PON1: variants seen among roughly 807,000 people sequenced by gnomAD.
PON1 encodes the protein paraoxonase 1, also known as serum paraoxonase/arylesterase 1.
In PON1, 37 loss-of-function variants were observed where a neutral mutation model predicts 39.2. The observed-to-expected ratio is 0.94, with a 90% CI of 0.73 to 1.24. PON1 has a LOEUF of 1.24. Among genes scored for constraint, PON1 ranks in the 50% most tolerant of loss-of-function variants. The pLI is 0.00. For synonymous variants in PON1, 148 were observed against 152.2 expected (o/e 0.97, Z 0.21); for missense variants, 397 against 413.5 (o/e 0.96, Z 0.35).
At chr7:95,315,263 GT>G in intron 4 of PON1, 58 bp downstream of exon 4, 2 of 1,407,396 alleles carry the variant, frequency 1.4e-6, no homozygotes, top group Admixed American at 1.7e-5. Flanking sequence ...TTATTGGCAT[GT>G]TTTTCTGTTT....
At position 95,324,355 on chromosome 7, in the gene PON1, G is replaced by C; in HGVS notation, c.74+47C>G. On this transcript the variant is annotated intron_variant, in intron 1 of 8. Coordinates refer to ENST00000222381, the MANE Select transcript of PON1 (RefSeq NM_000446.7). ...TTCTGGGGGCTCGTGGAGCTGGCAG[G>C]GAGTGAGGAGGACGAAGGCTGCAGC... The C allele has an allele frequency of 3.2e-6, 5 of 1,574,104 alleles. No individual in the cohort carries two copies. The South Asian group carries it at 5.6e-5, about 17-fold the overall frequency.
intron 7 of PON1, among the ~76,000 whole-genome samples, chr7:95,305,334 C>A (rs1216814863): frequency 6.6e-6 from 1 of 152,108 alleles, no homozygotes; most frequent in Non-Finnish European, 1.5e-5. Flanking sequence ...TGTTTTCACC[C>A]ATTTTGACTC....
chr7:95,303,532 GAGA>G (rs1476638838), intron 7 of PON1, among the ~76,000 whole-genome samples: 5 of 152,142 alleles, frequency 3.3e-5, no homozygotes, highest in African/African-American at 9.7e-5. Flanking sequence ...GTGGGAGTGG[GAGA>G]AGGACACAGA....
intron 8 of PON1, among the ~76,000 whole-genome samples, chr7:95,299,992 AT>A (rs755568928): frequency 7.8e-4 from 119 of 152,192 alleles, no homozygotes; most frequent in Non-Finnish European, 1.2e-3. Context: ...AAGAAAAAAA[AT>A]GTGGCCCTCA....
At chr7:95,315,263 G>T in intron 4 of PON1, 59 bp downstream of exon 4, 1 of 1,407,392 alleles carries the variant, frequency 7.1e-7, no homozygotes, top group Non-Finnish European at 1.0e-6. Context: ...TTATTGGCAT[G>T]TTTTTCTGTT....
rs563880693 is a variant in PON1 at position 95,315,610 on chromosome 7, C to T, written c.202-120G>A. ...CCAAACCACAGGGCTAGCCAGATGGCCACATAGGAAGCCTCTTAGTTAGCT... is the reference window on the plus strand; with the variant it reads ...CCAAACCACAGGGCTAGCCAGATGGTCACATAGGAAGCCTCTTAGTTAGCT... On this transcript the variant is annotated intron_variant, in intron 3 of 8. Coordinates refer to ENST00000222381, the MANE Select transcript of PON1 (RefSeq NM_000446.7). 5.6e-6 allele frequency: 6 copies of T among 1,069,816 alleles called. No homozygotes were observed. In the African/African-American group the frequency reaches 7.8e-5, roughly 14 times the overall value. The allele number at this position is 1,069,816 out of a possible 1,614,324, so 66.3% of individuals were successfully genotyped here.
chr7:95,320,075 T>C (rs539130328), intron 1 of PON1, among the ~76,000 whole-genome samples: 1 of 152,260 alleles, frequency 6.6e-6, no homozygotes, highest in South Asian at 2.1e-4. Context: ...ATGTTAAGGG[T>C]GATGGTCATA....
rs763222419 is a variant in PON1, at chr7:95,308,135, G to T, written c.574C>A (p.Gln192Lys). The T allele has an allele frequency of 4.3e-6, 7 of 1,613,954 alleles. No individual in the cohort carries two copies. Among genetic ancestry groups the T allele is most frequent in the Admixed American group, 1.7e-5 (1 of 59,994 alleles). ...NDHYFLDPYL[Q>K]SWEMYLGLAW... ...AAACCCAAATACATCTCCCAGGATT[G>T]TAAGTAGGGGTCAAGAAAATAGTGA... Residue 192 changes from glutamine (Q) to lysine (K), a missense_variant, in exon 6 of 9, where the codon CAA (glutamine) becomes AAA (lysine). Physicochemically the swap from Gln to Lys is moderately conservative, Grantham distance 53. Transcript: ENST00000222381.
chr7:95,301,539 TC>T (rs1453616370), intron 8 of PON1, among the ~76,000 whole-genome samples: 6 of 152,170 alleles, frequency 3.9e-5, no homozygotes, highest in African/African-American at 1.2e-4. Context: ...CCCACCACCG[TC>T]TACCTGTTCT....
rs1198986302 is a variant in PON1, at chr7:95,302,123, C to CAAAAAAAAAAAAAAAAAAAAA, written c.909+81_909+82insTTTTTTTTTTTTTTTTTTTTT. On this transcript the variant is annotated intron_variant, in intron 8 of 8. Coordinates refer to ENST00000222381, the MANE Select transcript of PON1 (RefSeq NM_000446.7). ...AAAAAAAAAAAAAAAAAAAAAAAAC[C>CAAAAAAAAAAAAAAAAAAAAA]AAGAATTGAGAATTATGTTGTCAAC... 10 of 460,354 alleles carry CAAAAAAAAAAAAAAAAAAAAA rather than the reference C, an allele frequency of 2.2e-5. No individual in the cohort carries two copies. The East Asian group carries it at 3.6e-4, about 17-fold the overall frequency. 28.5% of individuals were successfully genotyped at this position (460,354 alleles called of 1,614,324 possible).
In PON1 at chr7:95,308,212, C is replaced by T. The variant is rs75997226; in HGVS notation, c.498-1G>A. The T allele has an allele frequency of 6.2e-7, 1 of 1,613,148 alleles. No homozygotes were observed. Among genetic ancestry groups the T allele is most frequent in the Non-Finnish European group, 8.5e-7 (1 of 1,179,268 alleles). On this transcript the variant is annotated splice_acceptor_variant, in intron 5 of 8. Transcript: ENST00000222381. LOFTEE classifies it high-confidence loss of function. ...TCCCACAGCAACAATATCATTCAAA[C>T]TGCAATTAAAACATACACACATAAT... is the stretch of plus-strand genomic sequence containing the variant.
intron 1 of PON1, among the ~76,000 whole-genome samples, chr7:95,320,715 CT>C (rs1807877039): frequency 6.6e-6 from 1 of 152,188 alleles, no homozygotes; most frequent in South Asian, 2.1e-4. Flanking sequence ...ATTGACCCAC[CT>C]GTGTTATTAT....
chr7:95,299,850 C>A (rs1005871904), intron 8 of PON1, among the ~76,000 whole-genome samples: 2 of 152,092 alleles, frequency 1.3e-5, no homozygotes, highest in African/African-American at 2.4e-5. Flanking sequence ...CTCTAGGGAA[C>A]CTTGACTAAT....
intron 4 of PON1, among the ~76,000 whole-genome samples, chr7:95,314,084 C>T (rs1342964890): frequency 2.0e-5 from 3 of 151,806 alleles, no homozygotes; most frequent in Non-Finnish European, 4.4e-5. Flanking sequence ...GTAGGCTGGG[C>T]GCGGTGGCTC....
At chr7:95,305,411 G>A (rs184157339) in intron 7 of PON1, among the ~76,000 whole-genome samples, 3 of 152,226 alleles carry the variant, frequency 2.0e-5, no homozygotes, top group South Asian at 2.1e-4. Context: ...CAGCCCCACC[G>A]CAGTAATTTA....
At chr7:95,313,139 C>T (rs1481975441) in intron 4 of PON1, among the ~76,000 whole-genome samples, 1 of 152,162 alleles carries the variant, frequency 6.6e-6, no homozygotes, top group African/African-American at 2.4e-5. Context: ...TCCAAAGGCC[C>T]TGAATACAGC....
chr7:95,316,937 A>G lies in PON1; in HGVS notation c.146-148T>C, dbSNP rs1419211249. 7.1e-6 allele frequency: 5 copies of G among 699,364 alleles called. No individual in the cohort carries two copies. The South Asian group carries it at 8.0e-5, about 11-fold the overall frequency. The allele number at this position is 699,364 out of a possible 1,614,324, so 43.3% of individuals were successfully genotyped here. On this transcript the variant is annotated intron_variant, in intron 2 of 8. Coordinates refer to ENST00000222381, the MANE Select transcript of PON1 (RefSeq NM_000446.7). ...ATAATTCATTCTTTCATTTATTCAA[A>G]TTGATGAATGCGATTATATGGAAAT...
At position 95,306,728 on chromosome 7, in the gene PON1, C is replaced by T. The variant is rs3917547; in HGVS notation, c.699-362G>A. 1.3e-3 allele frequency among the ~76,000 whole-genome samples: 193 copies of T among 152,234 alleles called. 1 individual carries two copies. Among genetic ancestry groups the T allele is most frequent in the African/African-American group, 4.3e-3 (178 of 41,540 alleles). On this transcript the variant is annotated intron_variant, in intron 6 of 8. Transcript: ENST00000222381. ...TTTCAGGGGCTAGTGAGTTCTCTCT[C>T]GGGAAAGTTGCAGGAAAGCCCTTGG...
rs1807354490 is a variant in PON1, at chr7:95,298,985, TCAG to T, written c.1024_1026del (p.Leu342del). ...AGAGCTTTGTGAAACACTGTGCCAA[TCAG>T]CAGTTTCCCTTTGTACACAGAGGCA... On this transcript the variant is annotated inframe_deletion, in exon 9 of 9. Coordinates refer to ENST00000222381, the MANE Select transcript of PON1 (RefSeq NM_000446.7). 6 of 1,614,162 alleles carry T rather than the reference TCAG, an allele frequency of 3.7e-6. No individual in the cohort carries two copies. Among genetic ancestry groups the T allele is most frequent in the Non-Finnish European group, 5.1e-6 (6 of 1,180,026 alleles).
Sources: allele counts gnomAD v4.1 joint callset (sites outside exome capture counted in the v4.1 genomes callset), GRCh38; gene constraint gnomAD v4.1.1; transcripts MANE v1.5; gene names NCBI Gene and HGNC (gene_info 2026-07-23, HGNC 2026-07-21).